The following SLC12A8 variants were observed in gnomAD, a reference collection of about 807,000 sequenced individuals.
SLC12A8 encodes cation-chloride cotransporter 9.
SLC12A8 carries 69 observed loss-of-function variants against 75.6 expected under a neutral mutation model. The observed-to-expected ratio is 0.91, with a 90% CI of 0.75 to 1.11. SLC12A8 has a LOEUF of 1.11. SLC12A8 is among the 50% of genes most tolerant of loss of function. The probability of loss-of-function intolerance (pLI) is 0.00; values close to 1 mark genes in which losing one functional copy is unlikely to be tolerated. For missense variants in SLC12A8, 877 were observed against 896.7 expected (o/e 0.98, Z 0.28); for synonymous variants, 365 against 372.8 (o/e 0.98, Z 0.24).
chr3:125,173,962 C>G (rs1232505890), intron 5 of SLC12A8, among the ~76,000 whole-genome samples: 1 of 149,240 alleles, frequency 6.7e-6, no homozygotes, highest in Non-Finnish European at 1.5e-5. Context: ...CGTGGTGGTG[C>G]ATGCCTGTAA....
chr3:125,181,330 G>A (rs918508810), intron 4 of SLC12A8, among the ~76,000 whole-genome samples: 13 of 151,896 alleles, frequency 8.6e-5, no homozygotes, highest in East Asian at 1.9e-4. Flanking sequence ...GGCCAGGCGC[G>A]GTGGCTCACG....
chr3:125,197,918 A>G lies in SLC12A8; in HGVS notation c.52-7397T>C, dbSNP rs368307746. The stretch of plus-strand genomic sequence containing the variant: ...GATTAATGAGGAAGAGGGTATTTCT[A>G]TAGTCTCAAAGCATCTACAAATTAC... On this transcript the variant is annotated intron_variant, in intron 2 of 13. Coordinates refer to ENST00000469902, the MANE Select transcript of SLC12A8 (RefSeq NM_024628.6). Among the ~76,000 whole-genome samples the G allele has an allele frequency of 2.6e-5, 4 of 152,372 alleles. No individual in the cohort carries two copies. The East Asian group carries it at 5.8e-4, about 22-fold the overall frequency.
At chr3:125,205,349 C>T (rs111616488) in intron 2 of SLC12A8, among the ~76,000 whole-genome samples, 4,207 of 152,200 alleles carry the variant, frequency 0.028, 103 homozygotes, top group Admixed American at 0.071. Context: ...AGTTAAAATA[C>T]GGCGGGTACA....
chr3:125,090,171 G>A (rs1294803718), intron 12 of SLC12A8, among the ~76,000 whole-genome samples: 1 of 152,060 alleles, frequency 6.6e-6, no homozygotes, highest in Non-Finnish European at 1.5e-5. Context: ...AGCCCTCCAA[G>A]TAGCTAAGAC....
At chr3:125,199,136 T>C (rs905322764) in intron 2 of SLC12A8, among the ~76,000 whole-genome samples, 1 of 152,144 alleles carries the variant, frequency 6.6e-6, no homozygotes, top group Non-Finnish European at 1.5e-5. Flanking sequence ...TGTGGTTAGG[T>C]AAAAAAACAT....
chr3:125,116,140 G>A (rs1242486843), intron 8 of SLC12A8, among the ~76,000 whole-genome samples: 1 of 152,172 alleles, frequency 6.6e-6, no homozygotes, highest in Non-Finnish European at 1.5e-5. Context: ...GGTGTGGGAG[G>A]AAACTCCTGT....
Position 125,092,233 on chromosome 3 carries a change from C to G in SLC12A8, c.1706-35G>C, listed in dbSNP as rs201866120. 7.9e-5 allele frequency: 116 copies of G among 1,459,134 alleles called. No homozygotes were observed. The African/African-American group carries it at 1.6e-3, about 20-fold the overall frequency. The allele number at this position is 1,459,134 out of a possible 1,614,324, so 90.4% of individuals were successfully genotyped here. A position where few individuals can be genotyped will look rare whatever the true frequency, so the allele number is the denominator to read the frequency against. ...AGCCAAAGATTTGGCTGCCAAATTG[C>G]TATCAACTCTCTACTGTTTTTTAGG... On this transcript the variant is annotated intron_variant, in intron 10 of 13. Transcript: ENST00000469902.
At chr3:125,190,241 T>C (rs1934882863) in intron 3 of SLC12A8, 134 bp downstream of exon 3, 1 of 934,390 alleles carries the variant, frequency 1.1e-6, no homozygotes, top group Non-Finnish European at 1.6e-6. Context: ...CTATTCATCG[T>C]GCTTGCTTCT....
chr3:125,174,626 C>A (rs1338801981), intron 5 of SLC12A8, among the ~76,000 whole-genome samples: 2 of 152,128 alleles, frequency 1.3e-5, no homozygotes, highest in African/African-American at 2.4e-5. Flanking sequence ...CATCCAGTTT[C>A]TTTTTATTCA....
At chr3:125,145,362 T>C (rs962034048) in intron 5 of SLC12A8, among the ~76,000 whole-genome samples, 4 of 152,130 alleles carry the variant, frequency 2.6e-5, no homozygotes, top group Non-Finnish European at 4.4e-5. Context: ...GCAAAAAATA[T>C]AAAACATTAA....
At chr3:125,110,514 A>G (rs943142457) in intron 8 of SLC12A8, 179 bp from the exon 9 acceptor site, 2 of 535,664 alleles carry the variant, frequency 3.7e-6, no homozygotes, top group Non-Finnish European at 6.6e-6. Flanking sequence ...GTTTCAGCTG[A>G]ATCCACCACC....
rs187084937 is a variant in SLC12A8 at position 125,150,758 on chromosome 3, G to A, written c.623-14976C>T. On this transcript the variant is annotated intron_variant, in intron 5 of 13. Transcript: ENST00000469902. The stretch of plus-strand genomic sequence containing the variant: ...CACATATACAAGGGCACCGCAAGAC[G>A]AGGTTTGGACTACTGCATCAAAAAG... Among the ~76,000 whole-genome samples, 30 of 152,268 alleles carry A rather than the reference G, an allele frequency of 2.0e-4. No homozygotes were observed. In the East Asian group the frequency reaches 4.4e-3, roughly 23 times the overall value.
At chr3:125,130,237 T>G (rs1192538227) in intron 6 of SLC12A8, among the ~76,000 whole-genome samples, 1 of 152,172 alleles carries the variant, frequency 6.6e-6, no homozygotes, top group Non-Finnish European at 1.5e-5. Flanking sequence ...ACAACGACAC[T>G]CCATCTCTGA....
chr3:125,120,643 A>T lies in SLC12A8; in HGVS notation c.780T>A (p.Pro260=). ...GGGAGCCCAGGGGAATGCTGGCGGC[A>T]GGCTCCCTGAGGTCGCCCCCCATGT... ...GFNMGGDLRE[P]AASIPLGSLA... Residue 260 remains proline, a synonymous_variant, in exon 7 of 14, where the codon CCT becomes CCA. Coordinates refer to ENST00000469902, the MANE Select transcript of SLC12A8 (RefSeq NM_024628.6). 6.2e-7 allele frequency: 1 copy of T among 1,613,694 alleles called. No individual in the cohort carries two copies. The highest frequency in any genetic ancestry group is 8.5e-7 in the Non-Finnish European group (1 of 1,179,924).
chr3:125,133,290 T>C (rs1041081894), intron 6 of SLC12A8, among the ~76,000 whole-genome samples: 2 of 152,122 alleles, frequency 1.3e-5, no homozygotes, highest in African/African-American at 4.8e-5. Context: ...GTGTAACAAC[T>C]TGAAAAGCTT....
intron 2 of SLC12A8, among the ~76,000 whole-genome samples, chr3:125,197,122 T>G (rs575653632): frequency 6.6e-6 from 1 of 152,030 alleles, no homozygotes; most frequent in African/African-American, 2.4e-5. Context: ...AGTAGGGAAG[T>G]GCTAAAAAGA....
In SLC12A8 at chr3:125,150,700, T is replaced by C. The variant is rs566875520; in HGVS notation, c.623-14918A>G. On this transcript the variant is annotated intron_variant, in intron 5 of 13. Transcript: ENST00000469902. ...TCAGCTGATTATCTACTCCTTGCAG[T>C]GCGATTCTTGTACACTAGGGGGTAG... Among the ~76,000 whole-genome samples, 7 of 152,290 alleles carry C rather than the reference T, an allele frequency of 4.6e-5. No individual in the cohort carries two copies. In the East Asian group the frequency reaches 9.7e-4, roughly 21 times the overall value.
chr3:125,171,209 A>AAGGTAAAAATTAGGCCGGGCAT (rs1934399787), intron 5 of SLC12A8, among the ~76,000 whole-genome samples: 6 of 55,168 alleles, frequency 1.1e-4, no homozygotes, highest in South Asian at 7.8e-4. Context: ...CTCCATTGAA[A>AAGGTAAAAATTAGGCCGGGCAT]GATATCATCT....
intron 10 of SLC12A8, among the ~76,000 whole-genome samples, chr3:125,095,652 T>G (rs753840593): frequency 2.6e-5 from 4 of 152,210 alleles, no homozygotes; most frequent in Non-Finnish European, 5.9e-5. Flanking sequence ...CTCTTCTCTG[T>G]GCACTTTCCC....
Sources: gnomAD v4.1 joint callset for allele counts (sites outside exome capture counted in the v4.1 genomes callset) on GRCh38, gnomAD v4.1.1 for gene constraint, MANE v1.5 for transcripts, NCBI Gene and HGNC (gene_info 2026-07-23, HGNC 2026-07-21) for gene names.